The following PLK2 variants were observed in gnomAD, a reference collection of about 807,000 sequenced individuals.
PLK2 encodes the protein serine/threonine-protein kinase PLK2.
PLK2 carries 25 observed loss-of-function variants against 78.1 expected under a neutral mutation model. The observed-to-expected ratio is 0.32, with a 90% CI of 0.23 to 0.45. The LOEUF (loss-of-function observed/expected upper bound fraction) is 0.45, where lower values mean the gene tolerates loss of function less well. Ranked by LOEUF, PLK2 falls within the 20% of genes least tolerant of loss-of-function variation. The pLI is 1.00. For missense variants in PLK2, 566 were observed against 840.2 expected, an observed-to-expected ratio of 0.67 and a Z score of 4.04; for synonymous variants, 332 against 298.2, an observed-to-expected ratio of 1.11 and a Z score of -1.17.
At position 58,454,356 on chromosome 5, in the gene PLK2, G is replaced by C; in HGVS notation, c.*227C>G. The C allele has an allele frequency of 2.4e-6, 1 of 410,230 alleles. No homozygotes were observed. The highest frequency in any genetic ancestry group is 3.9e-5 in the Admixed American group (1 of 25,544). The allele number at this position is 410,230 out of a possible 1,614,324, so 25.4% of individuals were successfully genotyped here. A position where few individuals can be genotyped will look rare whatever the true frequency, so the allele number is the denominator to read the frequency against. Reference sequence around the variant, plus strand: ...ATTGTCTGAAAAACCTTTTAAAACAGGTATCTCAAGGAAAACTGCATTCTG... The same window carrying C: ...ATTGTCTGAAAAACCTTTTAAAACACGTATCTCAAGGAAAACTGCATTCTG... On this transcript the variant is annotated 3_prime_UTR_variant, in exon 14 of 14. Coordinates refer to ENST00000274289, the MANE Select transcript of PLK2 (RefSeq NM_006622.4).
rs778045429 is a variant in PLK2 at position 58,455,267 on chromosome 5, TA to T, written c.1755+17del. 1.2e-6 allele frequency: 2 copies of T among 1,613,600 alleles called. No homozygotes were observed. Among genetic ancestry groups the T allele is most frequent in the Non-Finnish European group, 1.7e-6 (2 of 1,179,630 alleles). On this transcript the variant is annotated intron_variant, in intron 12 of 13. Transcript: ENST00000274289. ...GCCTACACTTCAAATGTCACCACTC[TA>T]AAGCCACAGTACTTACATCCATGAG... is the stretch of plus-strand genomic sequence containing the variant.
rs769590626 is a variant in PLK2, at chr5:58,457,170, A to T, written c.1008+11T>A. On this transcript the variant is annotated intron_variant, in intron 7 of 13. Coordinates refer to ENST00000274289, the MANE Select transcript of PLK2 (RefSeq NM_006622.4). ...TACCAGGTAATTAAAAAAAAAAGAT[A>T]GTGCACCAACCTGCAAAAAAAAGTC... 1.2e-6 allele frequency: 2 copies of T among 1,612,792 alleles called. No homozygotes were observed. Among genetic ancestry groups the T allele is most frequent in the Non-Finnish European group, 1.7e-6 (2 of 1,179,214 alleles).
At chr5:58,456,640 G>A (rs1743612845) in intron 8 of PLK2, 51 bp from the exon 9 acceptor site, 1 of 1,147,820 alleles carries the variant, frequency 8.7e-7, no homozygotes, top group African/African-American at 1.5e-5. Context: ...TAACAAGGTA[G>A]GAACAGGGTT....
chr5:58,456,551 T>C lies in PLK2; in HGVS notation c.1195A>G (p.Arg399Gly), dbSNP rs1743609564. ...ATTGAAGTCTTTTTCAAATCATGCC[T>C]AAGCTTGTAGATGTCTTCATCTTCT... ...SKEDEDIYKL[R>G]HDLKKTSITQ... Residue 399 changes from arginine (R) to glycine (G), a missense_variant, in exon 9 of 14, where the codon AGG becomes GGG. Around this residue, in one of 5 missense-constraint regions of PLK2, gnomAD observed 129 missense variants for 156.0 expected, o/e 0.83. Coordinates refer to ENST00000274289, the MANE Select transcript of PLK2 (RefSeq NM_006622.4). 1.2e-6 allele frequency: 2 copies of C among 1,610,930 alleles called. No homozygotes were observed. The highest frequency in any genetic ancestry group is 1.7e-6 in the Non-Finnish European group (2 of 1,177,168).
chr5:58,458,592 T>C, intron 3 of PLK2, 64 bp from the exon 4 acceptor site: 1 of 1,502,330 alleles, frequency 6.7e-7, no homozygotes. Flanking sequence ...CTGGTTTCCC[T>C]TTGCAGGATG....
At chr5:58,458,254 C>T (rs1359685651) in intron 4 of PLK2, 83 bp from the exon 5 acceptor site, 1 of 1,292,022 alleles carries the variant, frequency 7.7e-7, no homozygotes, top group Non-Finnish European at 1.1e-6. Context: ...TGGAGCCAGG[C>T]AGCCAATTGT....
At chr5:58,458,373 C>G in intron 4 of PLK2, 26 bp downstream of exon 4, 2 of 1,611,354 alleles carry the variant, frequency 1.2e-6, no homozygotes, top group Non-Finnish European at 1.7e-6. Context: ...TAACACAAAA[C>G]TCAGCTTTTG....
chr5:58,459,642 G>A (rs1264517414), intron 1 of PLK2, 48 bp downstream of exon 1: 1 of 1,488,590 alleles, frequency 6.7e-7, no homozygotes, highest in South Asian at 1.3e-5. Flanking sequence ...GGGGTCGCCC[G>A]GACAGACCTC....
intron 4 of PLK2, 89 bp from the exon 5 acceptor site, chr5:58,458,260 A>G: frequency 6.2e-6 from 8 of 1,294,624 alleles, no homozygotes; most frequent in Non-Finnish European, 7.8e-6. Flanking sequence ...CAGGCAGCCA[A>G]TTGTTATATG....
At position 58,455,696 on chromosome 5, in the gene PLK2, C is replaced by T. The variant is rs1346826791; in HGVS notation, c.1468G>A (p.Asp490Asn). ...CTCAGCTGCTCTTTGGGAATGCAAT[C>T]AGCTTCCGGCATGTTTTCCAGACAT... is the stretch of plus-strand genomic sequence containing the variant. Reference protein sequence around the residue: ...RGCLENMPEADCIPKEQLSTS... With the variant: ...RGCLENMPEANCIPKEQLSTS... The change falls in exon 11 of 14, where the codon GAT becomes AAT. Residue 490 changes from aspartate to asparagine, a missense_variant. Coordinates refer to ENST00000274289, the MANE Select transcript of PLK2 (RefSeq NM_006622.4). 1 of 1,614,174 alleles carries T rather than the reference C, an allele frequency of 6.2e-7. No homozygotes were observed. Among genetic ancestry groups the T allele is most frequent in the Non-Finnish European group, 8.5e-7 (1 of 1,180,018 alleles).
intron 10 of PLK2, 44 bp from the exon 11 acceptor site, chr5:58,455,823 G>T: frequency 6.2e-7 from 1 of 1,603,006 alleles, no homozygotes; most frequent in Non-Finnish European, 8.5e-7. Context: ...CAATATTTTA[G>T]CAATAAAACC....
rs768090216 is a variant in PLK2, at chr5:58,457,574, A to G, written c.723T>C (p.Cys241=). The part of the protein sequence containing the change: ...EPLEHRRRTI[C]GTPNYLSPEV... ...CAGGAGAGAGATAATTTGGGGTACC[A>G]CATATCGTTCTGGAAAGACAAAATA... is the stretch of plus-strand genomic sequence containing the variant. Residue 241 remains cysteine, a synonymous_variant, in exon 6 of 14, where the codon TGT becomes TGC. Coordinates refer to ENST00000274289, the MANE Select transcript of PLK2 (RefSeq NM_006622.4). 8.7e-6 allele frequency: 14 copies of G among 1,601,960 alleles called. No homozygotes were observed. Among genetic ancestry groups the G allele is most frequent in the Non-Finnish European group, 1.1e-5 (13 of 1,168,890 alleles).
intron 9 of PLK2, 121 bp from the exon 10 acceptor site, chr5:58,456,276 C>T: frequency 1.0e-6 from 1 of 968,770 alleles, no homozygotes; most frequent in Non-Finnish European, 1.6e-6. Context: ...GCAATGGACA[C>T]AAGCCAGATA....
chr5:58,459,812 G>A lies in PLK2; in HGVS notation c.148C>T (p.Gln50Ter). ...TGGTGAGGGGCCGCCGGGGGCACTT[G>A]CGCCTGGGACTGAGGTGGCTGCGAT... Reference protein sequence around the residue: ...EESQPPQSQAQVPPAAPHHHH... With the variant: ...EESQPPQSQA Residue 50 changes from glutamine (Q) to a stop codon, truncating the protein, a stop_gained, in exon 1 of 14, where the codon CAA becomes TAA. Transcript: ENST00000274289. LOFTEE classifies it high-confidence loss of function. 1 of 1,609,476 alleles carries A rather than the reference G, an allele frequency of 6.2e-7. No individual in the cohort carries two copies. Among genetic ancestry groups the A allele is most frequent in the Non-Finnish European group, 8.5e-7 (1 of 1,179,846 alleles).
chr5:58,455,975 G>A, intron 10 of PLK2, 51 bp downstream of exon 10: 1 of 1,577,852 alleles, frequency 6.3e-7, no homozygotes. Context: ...TATGTATTTA[G>A]CACTGGCATT....
rs1279983695 is a variant in PLK2 at position 58,459,842 on chromosome 5, C to CG, written c.117dup (p.Glu40ArgfsTer66). ...TGGGACTGAGGTGGCTGCGATTCCT[C>CG]GGGGGGCTGCGGCGGCCGCTTCTTC... is the stretch of plus-strand genomic sequence containing the variant. On this transcript the variant is annotated frameshift_variant, in exon 1 of 14. Coordinates refer to ENST00000274289, the MANE Select transcript of PLK2 (RefSeq NM_006622.4). LOFTEE classifies it high-confidence loss of function. 6.2e-7 allele frequency: 1 copy of CG among 1,610,226 alleles called. No homozygotes were observed.
In PLK2 at chr5:58,455,472, A is replaced by ATTG. The variant is rs1743573026; in HGVS notation, c.1626-61_1626-59dup. ...GAAAAAAAAATAGAAGCAGTTAATC[A>ATTG]TTGTTTTTAGATTTCTTTAGTGCAA... is the stretch of plus-strand genomic sequence containing the variant. On this transcript the variant is annotated intron_variant, in intron 11 of 13. Coordinates refer to ENST00000274289, the MANE Select transcript of PLK2 (RefSeq NM_006622.4). 3 of 1,611,036 alleles carry ATTG rather than the reference A, an allele frequency of 1.9e-6. No homozygotes were observed. In the East Asian group the frequency reaches 6.7e-5, roughly 36 times the overall value.
rs750559216 is a variant in PLK2 at position 58,458,342 on chromosome 5, CAGAG to C, written c.625+53_625+56del. On this transcript the variant is annotated intron_variant, in intron 4 of 13. Coordinates refer to ENST00000274289, the MANE Select transcript of PLK2 (RefSeq NM_006622.4). Reference sequence around the variant, plus strand: ...AAGAACATTAATATGTAAAAAAAAACAGAGAGAGAAAAAAGAACTCTAACACAAA... The same window carrying C: ...AAGAACATTAATATGTAAAAAAAAACAGAGAAAAAAGAACTCTAACACAAA... 305 of 1,568,292 alleles carry C rather than the reference CAGAG, an allele frequency of 1.9e-4. 2 individuals are homozygous for C. The African/African-American group carries it at 3.6e-3, about 19-fold the overall frequency.
chr5:58,456,598 C>A lies in PLK2; in HGVS notation c.1157-9G>T. On this transcript the variant is annotated splice_polypyrimidine_tract_variant and intron_variant, in intron 8 of 13. Coordinates refer to ENST00000274289, the MANE Select transcript of PLK2 (RefSeq NM_006622.4). ...TTCTTTAGACACTCTATCTGTATAT[C>A]AAGAAACAGAATTACAAACATTAGT... The A allele has an allele frequency of 1.4e-6, 2 of 1,461,958 alleles. No homozygotes were observed. Among genetic ancestry groups the A allele is most frequent in the Non-Finnish European group, 1.9e-6 (2 of 1,046,158 alleles). The allele number at this position is 1,461,958 out of a possible 1,614,324, so 90.6% of individuals were successfully genotyped here.
Sources: allele counts gnomAD v4.1 joint callset, GRCh38; gene constraint gnomAD v4.1.1; regional missense constraint gnomAD v4.1.1; transcripts MANE v1.5; gene names NCBI Gene and HGNC (gene_info 2026-07-23, HGNC 2026-07-21).